SIPA1L3: variants seen among roughly 807,000 people sequenced by gnomAD.
The protein encoded by SIPA1L3 is signal-induced proliferation-associated 1-like protein 3.
Under a neutral mutation model 150.1 loss-of-function variants are expected in SIPA1L3, and 59 were observed. That is an observed-to-expected ratio of 0.39 (90% CI 0.32 to 0.49). The LOEUF (loss-of-function observed/expected upper bound fraction) is 0.49. Among genes scored for constraint, SIPA1L3 ranks in the 20% least tolerant of loss-of-function variants. SIPA1L3 has a pLI of 0.86. For synonymous variants in SIPA1L3, 1,070 were observed against 1,077.6 expected, an observed-to-expected ratio of 0.99 and a Z score of 0.14; for missense variants, 2,211 against 2,489.5, an observed-to-expected ratio of 0.89 and a Z score of 2.38.
intron 2 of SIPA1L3, among the ~76,000 whole-genome samples, chr19:38,079,509 C>T (rs1969928561): frequency 6.6e-6 from 1 of 151,322 alleles, no homozygotes. Context: ...GCTTCTCTGT[C>T]TCTATAGGGT....
chr19:38,026,702 C>T (rs182392630), intron 1 of SIPA1L3, among the ~76,000 whole-genome samples: 1 of 152,268 alleles, frequency 6.6e-6, no homozygotes, highest in East Asian at 1.9e-4. Flanking sequence ...TTGAGGGGTT[C>T]TTAATCTCGG....
intron 1 of SIPA1L3, among the ~76,000 whole-genome samples, chr19:37,981,058 T>C (rs1599864055): frequency 1.3e-5 from 2 of 152,182 alleles, no homozygotes; most frequent in African/African-American, 4.8e-5. Flanking sequence ...ACATAGTGAG[T>C]GCTCAAGATG....
chr19:37,910,854 C>T (rs1269767077), intron 1 of SIPA1L3, among the ~76,000 whole-genome samples: 3 of 152,196 alleles, frequency 2.0e-5, no homozygotes, highest in Non-Finnish European at 4.4e-5. Flanking sequence ...CCTTGGCCTC[C>T]CAAAGTGTTG....
chr19:38,002,218 C>T (rs1967822219), intron 1 of SIPA1L3, among the ~76,000 whole-genome samples: 1 of 152,182 alleles, frequency 6.6e-6, no homozygotes, highest in African/African-American at 2.4e-5. Flanking sequence ...GACCCCAGTC[C>T]CTGGAAGCCA....
intron 3 of SIPA1L3, among the ~76,000 whole-genome samples, chr19:38,084,644 T>C: frequency 6.8e-6 from 1 of 146,174 alleles, no homozygotes; most frequent in Non-Finnish European, 1.5e-5. Flanking sequence ...TCTTTTTTTT[T>C]TTTTTTTTTT....
At chr19:38,100,566 T>C (rs1970477718) in intron 5 of SIPA1L3, among the ~76,000 whole-genome samples, 1 of 152,186 alleles carries the variant, frequency 6.6e-6, no homozygotes, top group African/African-American at 2.4e-5. Flanking sequence ...TCGATTGGGC[T>C]ATGGCGTAGG....
intron 1 of SIPA1L3, among the ~76,000 whole-genome samples, chr19:38,002,842 T>C (rs1967841604): frequency 1.3e-5 from 2 of 151,704 alleles, no homozygotes; most frequent in South Asian, 4.2e-4. Flanking sequence ...TGAATAATGC[T>C]GCTGTTAACA....
intron 2 of SIPA1L3, among the ~76,000 whole-genome samples, chr19:38,053,852 C>T (rs1030288431): frequency 5.3e-5 from 8 of 152,078 alleles, no homozygotes; most frequent in East Asian, 3.9e-4. Flanking sequence ...AGGCGTGAGC[C>T]GCCGCGCCCA....
At chr19:38,178,234 G>T (rs947846160) in intron 15 of SIPA1L3, among the ~76,000 whole-genome samples, 8 of 151,674 alleles carry the variant, frequency 5.3e-5, no homozygotes, top group African/African-American at 1.9e-4. Flanking sequence ...TGGGCATGGT[G>T]CCTCACAACT....
At chr19:37,928,173 C>T (rs1270086564) in intron 1 of SIPA1L3, among the ~76,000 whole-genome samples, 2 of 152,086 alleles carry the variant, frequency 1.3e-5, no homozygotes, top group Non-Finnish European at 2.9e-5. Context: ...ATTTACATTC[C>T]CACCAACAGT....
intron 4 of SIPA1L3, among the ~76,000 whole-genome samples, chr19:38,097,880 A>T (rs1433357812): frequency 1.3e-5 from 2 of 152,184 alleles, no homozygotes; most frequent in Admixed American, 6.5e-5. Flanking sequence ...ATATTTGGAT[A>T]TACCTCACCA....
At chr19:38,205,584 G>A (rs1244154088) in intron 21 of SIPA1L3, among the ~76,000 whole-genome samples, 3 of 152,100 alleles carry the variant, frequency 2.0e-5, no homozygotes, top group Non-Finnish European at 4.4e-5. Context: ...AAGGGGCCCA[G>A]GTTCTGACCC....
chr19:38,041,417 T>A (rs1428204196), intron 2 of SIPA1L3, among the ~76,000 whole-genome samples: 2 of 151,880 alleles, frequency 1.3e-5, no homozygotes, highest in Non-Finnish European at 2.9e-5. Flanking sequence ...TAGCTGGGAT[T>A]ACAGGCGCAC....
chr19:38,083,043 G>T lies in SIPA1L3; in HGVS notation c.1478G>T (p.Ser493Ile). The T allele has an allele frequency of 6.2e-7, 1 of 1,613,034 alleles. No individual in the cohort carries two copies. The highest frequency in any genetic ancestry group is 2.2e-5 in the East Asian group (1 of 44,884). The part of the protein sequence containing the change: ...QRTQSRPRQY[S>I]IEHVDLGARY... ...ACGCAGAGTCGGCCCCGGCAGTACA[G>T]CATCGAGCATGTGGACCTGGGCGCC... Residue 493 changes from serine to isoleucine, a missense_variant, in exon 3 of 22, where the codon AGC becomes ATC. This residue lies in a region of SIPA1L3 where 625 missense variants were observed against 804.2 expected (regional missense o/e 0.78). Coordinates refer to ENST00000222345, the MANE Select transcript of SIPA1L3 (RefSeq NM_015073.3).
chr19:38,125,014 G>GTGGGGAGAGGGAGAGGGAGAGGGAGACCA (rs1971140539), intron 9 of SIPA1L3, among the ~76,000 whole-genome samples: 1 of 151,492 alleles, frequency 6.6e-6, no homozygotes, highest in East Asian at 1.9e-4. Context: ...GAGGGAGACC[G>GTGGGGAGAGGGAGAGGGAGAGGGAGACCA]TGGGGAGAGG....
At chr19:38,050,875 A>G (rs1969180849) in intron 2 of SIPA1L3, among the ~76,000 whole-genome samples, 1 of 152,108 alleles carries the variant, frequency 6.6e-6, no homozygotes, top group Admixed American at 6.5e-5. Context: ...CCTGGGCAAC[A>G]TGGCGAAACC....
intron 8 of SIPA1L3, among the ~76,000 whole-genome samples, chr19:38,115,441 C>T (rs182578462): frequency 7.6e-4 from 115 of 152,306 alleles, no homozygotes; most frequent in Non-Finnish European, 1.2e-3. Context: ...GGGCAGAGAA[C>T]GGCAGAATGG....
chr19:38,070,515 C>T (rs1969693045), intron 2 of SIPA1L3, among the ~76,000 whole-genome samples: 2 of 152,102 alleles, frequency 1.3e-5, no homozygotes, highest in Non-Finnish European at 2.9e-5. Flanking sequence ...ACAGCAGTGG[C>T]GTGTAGTAGA....
intron 1 of SIPA1L3, among the ~76,000 whole-genome samples, chr19:37,952,635 T>G (rs2046774903): frequency 6.6e-6 from 1 of 152,054 alleles, no homozygotes; most frequent in Non-Finnish European, 1.5e-5. Flanking sequence ...ATCGTGCCAT[T>G]GCACTCCAGC....
Sources: gnomAD v4.1 joint callset for allele counts (sites outside exome capture counted in the v4.1 genomes callset) on GRCh38, gnomAD v4.1.1 for gene constraint, gnomAD v4.1.1 regional missense constraint, MANE v1.5 for transcripts, NCBI Gene and HGNC (gene_info 2026-07-23, HGNC 2026-07-21) for gene names.